Variants in KCNS3 observed in about 807,000 individuals in gnomAD.
KCNS3 encodes potassium voltage-gated channel modifier subfamily S member 3, also known as delayed-rectifier potassium channel regulatory subunit KCNS3.
Under a neutral mutation model 31.0 loss-of-function variants are expected in KCNS3, and 13 were observed. The ratio of observed to expected loss-of-function variants is 0.42; its 90% CI spans 0.27 to 0.67. KCNS3 has a LOEUF of 0.67. KCNS3 is among the 30% of genes least tolerant of loss of function. KCNS3 has a pLI of 0.25. For synonymous variants in KCNS3, 238 were observed against 241.5 expected (o/e 0.99, Z 0.13); for missense variants, 545 against 622.4 (o/e 0.88, Z 1.32).
chr2:17,893,579 A>T (rs1572482379), intron 1 of KCNS3, among the ~76,000 whole-genome samples: 1 of 152,198 alleles, frequency 6.6e-6, no homozygotes, highest in East Asian at 1.9e-4. Flanking sequence ...TTGGGGACCC[A>T]GTGAGCTCCC....
intron 1 of KCNS3, among the ~76,000 whole-genome samples, chr2:17,886,617 G>A (rs1661658618): frequency 6.6e-6 from 1 of 152,138 alleles, no homozygotes; most frequent in Non-Finnish European, 1.5e-5. Context: ...TGGGATGAAA[G>A]GGTAAAAAGA....
chr2:17,902,334 CTGTG>C (rs61498649), intron 1 of KCNS3, among the ~76,000 whole-genome samples: 16,001 of 149,532 alleles, frequency 0.11, 1,321 homozygotes, highest in East Asian at 0.26. Context: ...GGTTGGGAGA[CTGTG>C]TGTGTGTGTG....
chr2:17,887,525 A>ATCTATCTATCTT (rs1553341268), intron 1 of KCNS3, among the ~76,000 whole-genome samples: 1 of 151,288 alleles, frequency 6.6e-6, no homozygotes, highest in African/African-American at 2.4e-5. Context: ...CTATCTATCT[A>ATCTATCTATCTT]TCTATCTCTG....
intron 1 of KCNS3, among the ~76,000 whole-genome samples, chr2:17,886,638 C>A (rs1661658884): frequency 6.6e-6 from 1 of 152,036 alleles, no homozygotes; most frequent in South Asian, 2.1e-4. Flanking sequence ...AAGGAAAGTA[C>A]CATGTATGGC....
At chr2:17,901,331 G>GAA (rs35668821) in intron 1 of KCNS3, among the ~76,000 whole-genome samples, 2 of 151,354 alleles carry the variant, frequency 1.3e-5, no homozygotes, top group African/African-American at 4.9e-5. Context: ...AGGAGGGATA[G>GAA]AAAAAAAAAT....
intron 1 of KCNS3, among the ~76,000 whole-genome samples, chr2:17,886,713 C>A (rs1255971700): frequency 6.6e-6 from 1 of 150,732 alleles, no homozygotes; most frequent in Non-Finnish European, 1.5e-5. Flanking sequence ...TCCATCCATC[C>A]ATCCCATTCT....
chr2:17,893,338 A>G (rs1164290182), intron 1 of KCNS3, among the ~76,000 whole-genome samples: 2 of 152,320 alleles, frequency 1.3e-5, no homozygotes, highest in African/African-American at 2.4e-5. Context: ...GCCCGAGGCC[A>G]TCTGCCTCCC....
intron 1 of KCNS3, among the ~76,000 whole-genome samples, chr2:17,915,718 A>G (rs575327672): frequency 3.9e-5 from 6 of 152,356 alleles, no homozygotes; most frequent in South Asian, 4.1e-4. Context: ...AGAAGATGCT[A>G]GTTATAATTT....
chr2:17,921,899 ATATG>A (rs1213516668), intron 2 of KCNS3, among the ~76,000 whole-genome samples: 1 of 61,074 alleles, frequency 1.6e-5, no homozygotes, highest in African/African-American at 6.4e-5. Context: ...ATTTTCATAT[ATATG>A]TGTGTGTGTG....
intron 1 of KCNS3, among the ~76,000 whole-genome samples, chr2:17,894,504 T>A (rs534671151): frequency 6.6e-6 from 1 of 152,268 alleles, no homozygotes; most frequent in Admixed American, 6.5e-5. Flanking sequence ...GCCATTCTAC[T>A]GTGACCTTCT....
intron 1 of KCNS3, among the ~76,000 whole-genome samples, chr2:17,884,265 AAAAAT>A (rs1484213413): frequency 2.7e-3 from 119 of 44,356 alleles, no homozygotes; most frequent in Middle Eastern, 0.011. Context: ...TTAAAAAAAA[AAAAAT>A]ATATATATAT....
chr2:17,905,157 C>A (rs1662284655), intron 1 of KCNS3, among the ~76,000 whole-genome samples: 1 of 152,150 alleles, frequency 6.6e-6, no homozygotes, highest in African/African-American at 2.4e-5. Context: ...TTGTAGTTCT[C>A]CTTGAAGAGG....
intron 1 of KCNS3, among the ~76,000 whole-genome samples, chr2:17,907,442 A>G (rs1192942157): frequency 1.2e-4 from 19 of 152,260 alleles, no homozygotes; most frequent in Admixed American, 9.2e-4. Context: ...TTTAATTGGA[A>G]CATTTAGCCC....
At chr2:17,918,856 C>T (rs1662649309) in intron 2 of KCNS3, among the ~76,000 whole-genome samples, 1 of 152,154 alleles carries the variant, frequency 6.6e-6, no homozygotes, top group Non-Finnish European at 1.5e-5. Context: ...GAAGAGAGAA[C>T]CATTAATTTG....
At chr2:17,924,050 G>A (rs552567651) in intron 2 of KCNS3, among the ~76,000 whole-genome samples, 13 of 151,742 alleles carry the variant, frequency 8.6e-5, no homozygotes, top group African/African-American at 2.7e-4. Flanking sequence ...ACAACATTGT[G>A]TAGTTTTCAT....
chr2:17,930,510 A>G (rs949972134), intron 2 of KCNS3, among the ~76,000 whole-genome samples: 1 of 152,176 alleles, frequency 6.6e-6, no homozygotes, highest in African/African-American at 2.4e-5. Flanking sequence ...ATTGGAAGGG[A>G]TGAGCTTCAA....
intron 1 of KCNS3, among the ~76,000 whole-genome samples, chr2:17,895,214 CT>C (rs532068260): frequency 1.3e-5 from 2 of 150,932 alleles, no homozygotes; most frequent in Admixed American, 6.6e-5. Flanking sequence ...TTAAGTAAAG[CT>C]TTTTTTTTAA....
At chr2:17,905,490 A>C (rs1182698463) in intron 1 of KCNS3, among the ~76,000 whole-genome samples, 1 of 152,206 alleles carries the variant, frequency 6.6e-6, no homozygotes, top group Non-Finnish European at 1.5e-5. Context: ...AGAATTTCCA[A>C]CACTATGTTG....
chr2:17,898,468 A>C (rs991556317), intron 1 of KCNS3, among the ~76,000 whole-genome samples: 1 of 150,870 alleles, frequency 6.6e-6, no homozygotes, highest in Non-Finnish European at 1.5e-5. Flanking sequence ...AAGGGCCCTG[A>C]CTCCTGCCTG....
Sources: gnomAD v4.1 joint callset for allele counts (sites outside exome capture counted in the v4.1 genomes callset) on GRCh38, gnomAD v4.1.1 for gene constraint, MANE v1.5 for transcripts, NCBI Gene and HGNC (gene_info 2026-07-23, HGNC 2026-07-21) for gene names.